The following SNX8 variants were observed in gnomAD, a reference collection of about 807,000 sequenced individuals.
SNX8 encodes the protein sorting nexin 8.
In SNX8, 25 loss-of-function variants were observed where a neutral mutation model predicts 51.6. The ratio of observed to expected loss-of-function variants is 0.48; its 90% confidence interval spans 0.35 to 0.68. SNX8 has a LOEUF of 0.68. Ranked by LOEUF, SNX8 falls within the 30% of genes least tolerant of loss-of-function variation. SNX8 has a pLI of 0.00. For missense variants in SNX8, 695 were observed against 624.0 expected, an observed-to-expected ratio of 1.11 and a Z score of -1.21; for synonymous variants, 324 against 277.0, an observed-to-expected ratio of 1.17 and a Z score of -1.68.
intron 1 of SNX8, among the ~76,000 whole-genome samples, chr7:2,343,539 G>A (rs937758951): frequency 6.6e-6 from 1 of 151,944 alleles, no homozygotes; most frequent in African/African-American, 2.4e-5. Flanking sequence ...GCCGGGTGTG[G>A]TGGCGTGCAC....
intron 1 of SNX8, among the ~76,000 whole-genome samples, chr7:2,301,665 C>A (rs762499598): frequency 6.6e-6 from 1 of 152,138 alleles, no homozygotes. Flanking sequence ...TGGAAAAGGG[C>A]ATCCACGTGT....
rs187456556 is a variant in SNX8, at chr7:2,293,439, A to T, written c.95-15134T>A. 7.5e-3 allele frequency among the ~76,000 whole-genome samples: 1,141 copies of T among 151,784 alleles called. 5 individuals are homozygous for T. The highest frequency in any genetic ancestry group is 0.014 in the South Asian group (66 of 4,800). On this transcript the variant is annotated intron_variant, in intron 1 of 10. Coordinates refer to ENST00000222990, the MANE Select transcript of SNX8 (RefSeq NM_013321.4). The stretch of plus-strand genomic sequence containing the variant: ...GGGAGGCCAAGGCAGGTGGATCATG[A>T]GGTCAGGAGATCGAGACCACCCTGG...
chr7:2,285,009 G>A (rs61491879), intron 1 of SNX8, among the ~76,000 whole-genome samples: 44,160 of 151,486 alleles, frequency 0.29, 6,983 homozygotes, highest in East Asian at 0.54. Context: ...TCAGGAGATC[G>A]AGACCATCCT....
intron 4 of SNX8, among the ~76,000 whole-genome samples, chr7:2,271,321 C>T (rs893311794): frequency 1.2e-4 from 18 of 152,242 alleles, no homozygotes; most frequent in African/African-American, 3.4e-4. Flanking sequence ...GGATTAGAGG[C>T]GTGGGCCACT....
rs1206272697 is a variant in SNX8 at position 2,268,299 on chromosome 7, G to C, written c.621+1260C>G. ...CGTCTGAGAAGTGAGGAGACCCTCTGCCTGGCAACCACCCCGTCTGAGAAG... is the reference window on the plus strand; with the variant it reads ...CGTCTGAGAAGTGAGGAGACCCTCTCCCTGGCAACCACCCCGTCTGAGAAG... On this transcript the variant is annotated intron_variant, in intron 5 of 10. Transcript: ENST00000222990. Among the ~76,000 whole-genome samples the C allele has an allele frequency of 6.9e-5, 10 of 144,124 alleles. No homozygotes were observed. In the South Asian group the frequency reaches 2.0e-3, roughly 29 times the overall value. The allele number at this position is 144,124 out of a possible 152,430, so 94.6% of individuals were successfully genotyped here.
chr7:2,291,098 CCAACCTGGG>C (rs914327574), intron 1 of SNX8, among the ~76,000 whole-genome samples: 24 of 151,956 alleles, frequency 1.6e-4, no homozygotes, highest in African/African-American at 5.6e-4. Flanking sequence ...GAGTTTGAGA[CCAACCTGGG>C]CAACACAGCA....
chr7:2,259,410 G>A (rs561103883), intron 7 of SNX8, among the ~76,000 whole-genome samples: 2 of 152,250 alleles, frequency 1.3e-5, no homozygotes, highest in Non-Finnish European at 1.5e-5. Flanking sequence ...CTCCACCCGT[G>A]GTAGGGGGTG....
chr7:2,309,403 G>C (rs980279716), intron 1 of SNX8, among the ~76,000 whole-genome samples: 1 of 152,176 alleles, frequency 6.6e-6, no homozygotes, highest in African/African-American at 2.4e-5. Context: ...GCACACGCCT[G>C]TAATCCCAGC....
At chr7:2,326,223 G>A (rs910315142) in intron 1 of SNX8, among the ~76,000 whole-genome samples, 2 of 152,056 alleles carry the variant, frequency 1.3e-5, no homozygotes, top group African/African-American at 4.8e-5. Context: ...AAATTAGCCA[G>A]GCATGGTGGC....
At position 2,278,667 on chromosome 7, in the gene SNX8, C is replaced by T. The variant is rs1390575912; in HGVS notation, c.95-362G>A. Reference sequence around the variant, plus strand: ...AGCCGGACTCACACTACGGAGTCGACGCCGGACTCACTCACACTACGGAGT... The same window carrying T: ...AGCCGGACTCACACTACGGAGTCGATGCCGGACTCACTCACACTACGGAGT... On this transcript the variant is annotated intron_variant, in intron 1 of 10. Transcript: ENST00000222990. 1.6e-3 allele frequency among the ~76,000 whole-genome samples: 185 copies of T among 114,634 alleles called. 4 individuals carry two copies. Among genetic ancestry groups the T allele is most frequent in the African/African-American group, 6.4e-3 (173 of 26,886 alleles). The allele number at this position is 114,634 out of a possible 152,430, so 75.2% of individuals were successfully genotyped here.
chr7:2,313,109 C>T (rs183252192), intron 1 of SNX8, among the ~76,000 whole-genome samples: 1 of 152,022 alleles, frequency 6.6e-6, no homozygotes, highest in Admixed American at 6.5e-5. Flanking sequence ...CCGTGTTAGC[C>T]AGGATGGTCT....
chr7:2,271,847 C>T lies in SNX8; in HGVS notation c.540+3G>A. The T allele has an allele frequency of 1.9e-6, 3 of 1,600,798 alleles. No homozygotes were observed. The highest frequency in any genetic ancestry group is 1.7e-6 in the Non-Finnish European group (2 of 1,174,094). ...GGGACATGGGCAGGGCAGACACACT[C>T]ACCGAGCCGCTGAAGGACAGGAAGA... On this transcript the variant is annotated splice_donor_region_variant and intron_variant, in intron 4 of 10. Coordinates refer to ENST00000222990, the MANE Select transcript of SNX8 (RefSeq NM_013321.4).
At chr7:2,331,260 C>T (rs961916418) in intron 1 of SNX8, among the ~76,000 whole-genome samples, 7 of 146,382 alleles carry the variant, frequency 4.8e-5, no homozygotes, top group Admixed American at 4.8e-4. Flanking sequence ...TAATAATATA[C>T]ATAGAAAATT....
intron 1 of SNX8, among the ~76,000 whole-genome samples, chr7:2,295,275 G>A (rs918181643): frequency 2.6e-5 from 4 of 151,696 alleles, no homozygotes; most frequent in South Asian, 2.1e-4. Context: ...GTGGTGGCAC[G>A]TGCCTGTAAT....
chr7:2,316,425 GCATT>G (rs1796758661), upstream of SNX8, among the ~76,000 whole-genome samples: 2 of 139,156 alleles, frequency 1.4e-5, no homozygotes, highest in South Asian at 4.7e-4. Flanking sequence ...ACTGCATCCT[GCATT>G]CATTCACCCA....
intron 1 of SNX8, among the ~76,000 whole-genome samples, chr7:2,280,177 G>A (rs993287774): frequency 6.6e-5 from 10 of 152,160 alleles, no homozygotes; most frequent in South Asian, 6.2e-4. Flanking sequence ...AGAAGTCACC[G>A]TGCACCCTGC....
chr7:2,326,276 G>C (rs1778620164), intron 1 of SNX8, among the ~76,000 whole-genome samples: 1 of 151,594 alleles, frequency 6.6e-6, no homozygotes, highest in African/African-American at 2.4e-5. Flanking sequence ...GAGGCAAGAG[G>C]ATCGCTCGAA....
chr7:2,269,523 TAAAAAAAAAAAAAAA>T (rs1381778797), intron 5 of SNX8, 21 bp downstream of exon 5: 1 of 782,236 alleles, frequency 1.3e-6, no homozygotes, highest in Non-Finnish European at 1.7e-6. Flanking sequence ...AAAAATAAAT[TAAAAAAAAAAAAAAA>T]GAAAAAAAAA....
At chr7:2,347,500 G>A (rs73043292) in intron 1 of SNX8, among the ~76,000 whole-genome samples, 416 of 125,054 alleles carry the variant, frequency 3.3e-3, no homozygotes, top group Middle Eastern at 0.012. Context: ...AAAAAAAAAA[G>A]AAAAAAAAAA....
Sources: allele counts gnomAD v4.1 joint callset (sites outside exome capture counted in the v4.1 genomes callset), GRCh38; gene constraint gnomAD v4.1.1; transcripts MANE v1.5; gene names NCBI Gene and HGNC (gene_info 2026-07-23, HGNC 2026-07-21).